The following ABCA1 variants were observed in gnomAD, a reference collection of about 807,000 sequenced individuals.
The protein encoded by ABCA1 is ATP binding cassette subfamily A member 1, also known as phospholipid-transporting ATPase ABCA1.
A neutral mutation model predicts 262.5 loss-of-function variants in ABCA1; 133 were observed. That is an observed-to-expected ratio of 0.51 (90% CI 0.44 to 0.59). The LOEUF is 0.59. Among genes scored for constraint, ABCA1 ranks in the 20% least tolerant of loss-of-function variants. The pLI, the probability that ABCA1 is intolerant of heterozygous loss-of-function variation, is 0.00. For missense variants in ABCA1, 2,452 were observed against 2,777.5 expected, an observed-to-expected ratio of 0.88 and a Z score of 2.63; for synonymous variants, 1,022 against 1,043.5, an observed-to-expected ratio of 0.98 and a Z score of 0.40.
At chr9:104,805,916 C>A (rs976066385) in intron 31 of ABCA1, among the ~76,000 whole-genome samples, 2 of 152,134 alleles carry the variant, frequency 1.3e-5, no homozygotes, top group Non-Finnish European at 2.9e-5. Flanking sequence ...ACCAGCCTAG[C>A]CAACACGGCG....
intron 5 of ABCA1, 89 bp from the exon 6 acceptor site, chr9:104,861,889 T>C (rs1022719382): frequency 8.3e-7 from 1 of 1,209,790 alleles, no homozygotes; most frequent in Non-Finnish European, 1.2e-6. Flanking sequence ...AGAAACGTTA[T>C]CATAATATTG....
At chr9:104,913,937 C>T (rs1043563044) in intron 1 of ABCA1, among the ~76,000 whole-genome samples, 2 of 149,868 alleles carry the variant, frequency 1.3e-5, no homozygotes, top group East Asian at 2.0e-4. Context: ...CTGGGACTAC[C>T]GACAGCCGCC....
intron 2 of ABCA1, among the ~76,000 whole-genome samples, chr9:104,898,869 C>A (rs10120087): frequency 0.17 from 25,893 of 152,068 alleles, 2,936 homozygotes; most frequent in African/African-American, 0.32. Flanking sequence ...AAATCCCTAC[C>A]CACACCTGCT....
chr9:104,806,129 A>C (rs539324056), intron 31 of ABCA1, 112 bp downstream of exon 31: 1 of 1,189,404 alleles, frequency 8.4e-7, no homozygotes, highest in South Asian at 1.4e-5. Flanking sequence ...AAAACAAAAA[A>C]GACTGAAACA....
rs1828670889 is a variant in ABCA1 at position 104,783,623 on chromosome 9, G to A, written c.*692C>T. The A allele has an allele frequency of 6.6e-6, 1 of 152,544 alleles. No individual in the cohort carries two copies. Among genetic ancestry groups the A allele is most frequent in the Admixed American group, 6.5e-5 (1 of 15,306 alleles). 9.4% of individuals were successfully genotyped at this position (152,544 alleles called of 1,614,324 possible). ...AATGGAACCAAGTTTCCCGTGCCTG[G>A]AGACACCCACATTTTTGTTGCATGT... On this transcript the variant is annotated 3_prime_UTR_variant, in exon 50 of 50. Transcript: ENST00000374736.
At position 104,782,116 on chromosome 9, in the gene ABCA1, G is replaced by A. The variant is rs1828581412; in HGVS notation, c.*2199C>T. 6.6e-6 allele frequency: 1 copy of A among 151,994 alleles called. No homozygotes were observed. The highest frequency in any genetic ancestry group is 2.1e-4 in the South Asian group (1 of 4,828). 9.4% of individuals were successfully genotyped at this position (151,994 alleles called of 1,614,324 possible). ...ATAGATTTACTATAATGAAGAATTA[G>A]AATACGATTTTAGTAAAATGAGGAA... is the stretch of plus-strand genomic sequence containing the variant. On this transcript the variant is annotated 3_prime_UTR_variant, in exon 50 of 50. Transcript: ENST00000374736.
intron 5 of ABCA1, among the ~76,000 whole-genome samples, chr9:104,869,396 T>C (rs1425825235): frequency 2.0e-5 from 3 of 152,082 alleles, no homozygotes; most frequent in Non-Finnish European, 4.4e-5. Context: ...TTCTAACTCG[T>C]GGTTTTAATC....
Position 104,828,944 on chromosome 9 carries a change from C to T in ABCA1, c.2087G>A (p.Ser696Asn). The change falls in exon 15 of 50, where the codon AGC becomes AAC. Residue 696 changes from serine (S) to asparagine (N), a missense_variant. Physicochemically the swap from Ser to Asn is conservative, Grantham distance 46 (BLOSUM62 1). Transcript: ENST00000374736. ...CAGGATGACCACTAGCAGGCCAGCGCTCACAAGAAGAGGAATGAGGCTACT... is the reference window on the plus strand; with the variant it reads ...CAGGATGACCACTAGCAGGCCAGCGTTCACAAGAAGAGGAATGAGGCTACT... ...FISSLIPLLVSAGLLVVILKL... is the reference protein window; with the variant it reads ...FISSLIPLLVNAGLLVVILKL... 6.2e-7 allele frequency: 1 copy of T among 1,614,164 alleles called. No individual in the cohort carries two copies. Among genetic ancestry groups the T allele is most frequent in the Non-Finnish European group, 8.5e-7 (1 of 1,180,038 alleles).
At position 104,884,481 on chromosome 9, in the gene ABCA1, CGG is replaced by C; in HGVS notation, c.246_247del (p.Phe82LeufsTer16). The C allele has an allele frequency of 6.2e-7, 1 of 1,614,198 alleles. No homozygotes were observed. Among genetic ancestry groups the C allele is most frequent in the Non-Finnish European group, 8.5e-7 (1 of 1,180,028 alleles). On this transcript the variant is annotated frameshift_variant, in exon 4 of 50. Coordinates refer to ENST00000374736, the MANE Select transcript of ABCA1 (RefSeq NM_005502.4). LOFTEE classifies it high-confidence loss of function. Reference sequence around the variant, plus strand: ...GGGAGCCTCCCCAGGAGTCGGGTAACGGAAACAGGGGTTGTTGGCATTACAGA... The same window carrying C: ...GGGAGCCTCCCCAGGAGTCGGGTAACAAACAGGGGTTGTTGGCATTACAGA...
At chr9:104,835,344 T>C (rs1833722654) in intron 11 of ABCA1, among the ~76,000 whole-genome samples, 1 of 151,860 alleles carries the variant, frequency 6.6e-6, no homozygotes, top group East Asian at 1.9e-4. Context: ...TCCCTCATCA[T>C]CTGTCTCCAG....
rs1231762813 is a variant in ABCA1 at position 104,861,768 on chromosome 9, C to A, written c.454G>T (p.Glu152Ter). 1 of 1,612,954 alleles carries A rather than the reference C, an allele frequency of 6.2e-7. No individual in the cohort carries two copies. Among genetic ancestry groups the A allele is most frequent in the Admixed American group, 1.7e-5 (1 of 59,944 alleles). The change falls in exon 6 of 50, where the codon GAA becomes TAA. Residue 152 changes from glutamate to a stop codon, truncating the protein, a stop_gained. Coordinates refer to ENST00000374736, the MANE Select transcript of ABCA1 (RefSeq NM_005502.4). LOFTEE classifies it high-confidence loss of function. Reference protein sequence around the residue: ...LKLQDFLVDNETFSGFLYHNL... With the variant: ...LKLQDFLVDN ...TGATACAGGAACCCAGAGAAGGTTTCATTGTCCACCAGGAAATCTTGAAGC... is the reference window on the plus strand; with the variant it reads ...TGATACAGGAACCCAGAGAAGGTTTAATTGTCCACCAGGAAATCTTGAAGC...
Position 104,860,560 on chromosome 9 carries a change from G to A in ABCA1, c.543+1119C>T, listed in dbSNP as rs185520397. Among the ~76,000 whole-genome samples, 24 of 152,110 alleles carry A rather than the reference G, an allele frequency of 1.6e-4. No homozygotes were observed. In the East Asian group the frequency reaches 4.4e-3, roughly 28 times the overall value. ...AGCTAGTATGCAGACACGAGATAGGGGAGGAAGCAGTTCCCCTTTCTGCCA... is the reference window on the plus strand; with the variant it reads ...AGCTAGTATGCAGACACGAGATAGGAGAGGAAGCAGTTCCCCTTTCTGCCA... On this transcript the variant is annotated intron_variant, in intron 6 of 49. Transcript: ENST00000374736.
Position 104,819,924 on chromosome 9 carries a change from C to A in ABCA1, c.3103+3G>T. Reference sequence around the variant, plus strand: ...GGATAGGGAAGGTAGCTCTGGGCCGCACCTGACAGCTGGCTTGTTTTGCTT... The same window carrying A: ...GGATAGGGAAGGTAGCTCTGGGCCGAACCTGACAGCTGGCTTGTTTTGCTT... On this transcript the variant is annotated splice_donor_region_variant and intron_variant, in intron 21 of 49. Transcript: ENST00000374736. 1 of 1,612,704 alleles carries A rather than the reference C, an allele frequency of 6.2e-7. No individual in the cohort carries two copies. The highest frequency in any genetic ancestry group is 8.5e-7 in the Non-Finnish European group (1 of 1,179,920).
At chr9:104,826,876 C>T in intron 16 of ABCA1, 72 bp downstream of exon 16, 1 of 1,389,866 alleles carries the variant, frequency 7.2e-7, no homozygotes, top group Non-Finnish European at 1.0e-6. Context: ...TCTCAACTTG[C>T]TGCTTTTATT....
chr9:104,798,699 C>A (rs753964673), intron 36 of ABCA1, 101 bp from the exon 37 acceptor site: 85 of 1,001,716 alleles, frequency 8.5e-5, no homozygotes, highest in Admixed American at 1.8e-4. Flanking sequence ...CGTACACACA[C>A]ACAGAGATAT....
At chr9:104,812,770 G>C (rs560041766) in intron 27 of ABCA1, 48 bp from the exon 28 acceptor site, 3 of 1,611,970 alleles carry the variant, frequency 1.9e-6, no homozygotes, top group African/African-American at 1.3e-5. Flanking sequence ...AGGTGTTTTC[G>C]GCATTGCCAT....
At chr9:104,920,352 G>T (rs1272998490) in intron 1 of ABCA1, among the ~76,000 whole-genome samples, 1 of 152,132 alleles carries the variant, frequency 6.6e-6, no homozygotes, top group African/African-American at 2.4e-5. Flanking sequence ...AAAATTTAAT[G>T]TTCCAAGTCT....
At chr9:104,925,940 G>A (rs1247605034) in intron 1 of ABCA1, among the ~76,000 whole-genome samples, 1 of 151,206 alleles carries the variant, frequency 6.6e-6, no homozygotes, top group Non-Finnish European at 1.5e-5. Flanking sequence ...TAAAAGGGGA[G>A]ATGAAAACTT....
intron 1 of ABCA1, among the ~76,000 whole-genome samples, chr9:104,907,936 G>T (rs1361452735): frequency 6.6e-6 from 1 of 152,226 alleles, no homozygotes; most frequent in Non-Finnish European, 1.5e-5. Context: ...CATGGCAGAA[G>T]TGACTGCTGG....
Sources: allele counts gnomAD v4.1 joint callset (sites outside exome capture counted in the v4.1 genomes callset), GRCh38; gene constraint gnomAD v4.1.1; transcripts MANE v1.5; gene names NCBI Gene and HGNC (gene_info 2026-07-23, HGNC 2026-07-21).